CYP7B1: variants seen among roughly 807,000 people sequenced by gnomAD.
CYP7B1 encodes the protein cytochrome P450 family 7 subfamily B member 1.
In CYP7B1, 29 loss-of-function variants were observed where a neutral mutation model predicts 42.7. The ratio of observed to expected loss-of-function variants is 0.68; its 90% confidence interval spans 0.51 to 0.93. The LOEUF is 0.93. Among genes scored for constraint, CYP7B1 ranks in the 40% least tolerant of loss-of-function variants. CYP7B1 has a pLI of 0.00. For missense variants in CYP7B1, 655 were observed against 600.5 expected, an observed-to-expected ratio of 1.09 and a Z score of -0.95; for synonymous variants, 235 against 218.2, an observed-to-expected ratio of 1.08 and a Z score of -0.68.
intron 1 of CYP7B1, among the ~76,000 whole-genome samples, chr8:64,694,008 C>T (rs1451278461): frequency 6.6e-6 from 1 of 152,078 alleles, no homozygotes; most frequent in Non-Finnish European, 1.5e-5. Context: ...CCTCAATACG[C>T]GTTGAGGCTT....
At chr8:64,699,668 T>C (rs1806883271) in intron 1 of CYP7B1, among the ~76,000 whole-genome samples, 1 of 152,142 alleles carries the variant, frequency 6.6e-6, no homozygotes, top group Admixed American at 6.6e-5. Flanking sequence ...CATTTTTTGC[T>C]TAGTGTGACA....
At chr8:64,674,123 C>T (rs1004905534) in intron 1 of CYP7B1, among the ~76,000 whole-genome samples, 8 of 152,112 alleles carry the variant, frequency 5.3e-5, no homozygotes, top group African/African-American at 1.9e-4. Flanking sequence ...TAATCTTCAA[C>T]CTAATTAACT....
chr8:64,696,777 G>C (rs1270713706), intron 1 of CYP7B1, among the ~76,000 whole-genome samples: 2 of 151,894 alleles, frequency 1.3e-5, no homozygotes, highest in Non-Finnish European at 2.9e-5. Flanking sequence ...CTGAAGCACT[G>C]GTTAACTGAC....
intron 1 of CYP7B1, among the ~76,000 whole-genome samples, chr8:64,679,580 T>C (rs943030882): frequency 6.6e-6 from 1 of 152,316 alleles, no homozygotes; most frequent in East Asian, 1.9e-4. Flanking sequence ...AACTTCTATT[T>C]CTATTTCTAA....
chr8:64,613,374 C>CA (rs1433838150), intron 4 of CYP7B1, among the ~76,000 whole-genome samples: 1 of 151,998 alleles, frequency 6.6e-6, no homozygotes, highest in Non-Finnish European at 1.5e-5. Context: ...TTTTTAATAG[C>CA]AAAAAGTTGA....
chr8:64,617,558 G>A (rs1173662321), intron 2 of CYP7B1, among the ~76,000 whole-genome samples: 5 of 152,188 alleles, frequency 3.3e-5, no homozygotes, highest in African/African-American at 7.2e-5. Context: ...ATATTAAGCA[G>A]ATAGTAATAA....
intron 2 of CYP7B1, among the ~76,000 whole-genome samples, chr8:64,618,590 T>TCTCTCTCTCTCTCTCTCTCTCTC (rs1805482620): frequency 2.6e-5 from 1 of 38,892 alleles, no homozygotes; most frequent in African/African-American, 9.8e-5. Context: ...CTCTCTCTCT[T>TCTCTCTCTCTCTCTCTCTCTCTC]TCTCTCTCTC....
At chr8:64,677,453 A>T (rs966738203) in intron 1 of CYP7B1, among the ~76,000 whole-genome samples, 1 of 150,796 alleles carries the variant, frequency 6.6e-6, no homozygotes, top group East Asian at 2.0e-4. Context: ...AAAAAAAAAA[A>T]AAAAAAAAAA....
rs1454993959 is a variant in CYP7B1, at chr8:64,792,638, G to C, written c.122+5828C>G. Among the ~76,000 whole-genome samples the C allele has an allele frequency of 2.0e-5, 3 of 152,296 alleles. No individual in the cohort carries two copies. The East Asian group carries it at 5.8e-4, about 29-fold the overall frequency. ...TGGGATTATCCAGAAAAGATCTGGAGAAACAAATCTCTCAGGAGTGAATCT... is the reference window on the plus strand; with the variant it reads ...TGGGATTATCCAGAAAAGATCTGGACAAACAAATCTCTCAGGAGTGAATCT... On this transcript the variant is annotated intron_variant, in intron 1 of 5. Transcript: ENST00000310193.
chr8:64,725,136 A>G (rs1807304915), intron 1 of CYP7B1, among the ~76,000 whole-genome samples: 1 of 152,170 alleles, frequency 6.6e-6, no homozygotes, highest in South Asian at 2.1e-4. Flanking sequence ...TCACATTTCT[A>G]CATAGCTGTC....
At position 64,593,317 on chromosome 8, in the gene CYP7B1, T is replaced by G. The variant is rs1805066846; in HGVS notation, c.*3325A>C. 6.8e-6 allele frequency among the ~76,000 whole-genome samples: 1 copy of G among 147,678 alleles called. No homozygotes were observed. The highest frequency in any genetic ancestry group is 2.2e-4 in the South Asian group (1 of 4,614). ...AAGGCCTTTGCATAAAGCCAAGAAC[T>G]TGCAAAGACAACATACTCAATAGGT... is the stretch of plus-strand genomic sequence containing the variant. On this transcript the variant is annotated 3_prime_UTR_variant, in exon 6 of 6. Coordinates refer to ENST00000310193, the MANE Select transcript of CYP7B1 (RefSeq NM_004820.5).
intron 1 of CYP7B1, among the ~76,000 whole-genome samples, chr8:64,719,854 G>A (rs911430790): frequency 1.3e-5 from 2 of 152,136 alleles, no homozygotes; most frequent in African/African-American, 4.8e-5. Context: ...AAGATGAAAG[G>A]CACATTACCC....
chr8:64,706,664 T>C (rs900427372), intron 1 of CYP7B1, among the ~76,000 whole-genome samples: 1 of 151,992 alleles, frequency 6.6e-6, no homozygotes, highest in African/African-American at 2.4e-5. Context: ...TTAAAAATAG[T>C]AAACTAATCA....
At chr8:64,626,533 A>T (rs1805612876) in intron 1 of CYP7B1, among the ~76,000 whole-genome samples, 1 of 152,192 alleles carries the variant, frequency 6.6e-6, no homozygotes, top group Non-Finnish European at 1.5e-5. Flanking sequence ...GCTACCAATG[A>T]TTGAGACGAT....
intron 5 of CYP7B1, among the ~76,000 whole-genome samples, chr8:64,602,437 A>T (rs1436451823): frequency 6.6e-6 from 1 of 151,262 alleles, no homozygotes; most frequent in Non-Finnish European, 1.5e-5. Flanking sequence ...TGAAATGCCA[A>T]ATTTTAGAGT....
chr8:64,770,810 A>C (rs2129639908), intron 1 of CYP7B1, among the ~76,000 whole-genome samples: 1 of 152,252 alleles, frequency 6.6e-6, no homozygotes, highest in East Asian at 1.9e-4. Context: ...TCCAGGGGAA[A>C]TCTAAACACG....
intron 1 of CYP7B1, among the ~76,000 whole-genome samples, chr8:64,651,857 G>C (rs976055947): frequency 1.3e-5 from 2 of 152,156 alleles, no homozygotes; most frequent in Admixed American, 1.3e-4. Flanking sequence ...CCCAGTCTAT[G>C]GTATGCTGTT....
At chr8:64,652,934 A>G (rs1806062388) in intron 1 of CYP7B1, among the ~76,000 whole-genome samples, 1 of 152,200 alleles carries the variant, frequency 6.6e-6, no homozygotes, top group South Asian at 2.1e-4. Context: ...AGACATAAAG[A>G]AGTTCTTTGA....
At chr8:64,696,535 G>T (rs939411641) in intron 1 of CYP7B1, among the ~76,000 whole-genome samples, 1 of 152,104 alleles carries the variant, frequency 6.6e-6, no homozygotes, top group Non-Finnish European at 1.5e-5. Context: ...CTTGTTCATG[G>T]TCACTAAACT....
Sources: gnomAD v4.1 joint callset for allele counts (sites outside exome capture counted in the v4.1 genomes callset) on GRCh38, gnomAD v4.1.1 for gene constraint, MANE v1.5 for transcripts, NCBI Gene and HGNC (gene_info 2026-07-23, HGNC 2026-07-21) for gene names.